Variants in TOLLIP observed in about 807,000 individuals in gnomAD.
The protein encoded by TOLLIP is toll interacting protein, also known as toll-interacting protein.
In TOLLIP, 16 loss-of-function variants were observed where a neutral mutation model predicts 33.5. The observed-to-expected ratio is 0.48, with a 90% CI of 0.32 to 0.72. The LOEUF is 0.72. Among genes scored for constraint, TOLLIP ranks in the 30% least tolerant of loss-of-function variants. TOLLIP has a pLI of 0.03. For missense variants in TOLLIP, 325 were observed against 396.6 expected (o/e 0.82, Z 1.53); for synonymous variants, 176 against 163.7 (o/e 1.07, Z -0.57).
chr11:1,306,884 C>A (rs1443842644), intron 1 of TOLLIP, among the ~76,000 whole-genome samples: 2 of 152,082 alleles, frequency 1.3e-5, no homozygotes, highest in Non-Finnish European at 2.9e-5. Context: ...CCCTGCCCTC[C>A]CAGCCCAACC....
chr11:1,309,409 GC>G lies in TOLLIP; in HGVS notation c.33+56del. ...AGCTGAGCAGTAGCCCTGACCCAAGGCCCCGCCCGCAACCGCAGGTCACCGC... is the reference window on the plus strand; with the variant it reads ...AGCTGAGCAGTAGCCCTGACCCAAGGCCCGCCCGCAACCGCAGGTCACCGC... On this transcript the variant is annotated intron_variant, in intron 1 of 5. Coordinates refer to ENST00000317204, the MANE Select transcript of TOLLIP (RefSeq NM_019009.4). 4.6e-6 allele frequency: 5 copies of G among 1,090,152 alleles called. No individual in the cohort carries two copies. The South Asian group carries it at 8.9e-5, about 19-fold the overall frequency. 67.5% of individuals were successfully genotyped at this position (1,090,152 alleles called of 1,614,324 possible).
intron 3 of TOLLIP, 53 bp from the exon 4 acceptor site, chr11:1,288,829 C>T (rs1590215859): frequency 1.3e-6 from 2 of 1,575,310 alleles, no homozygotes; most frequent in East Asian, 2.2e-5. Context: ...GGCCACCCTG[C>T]CCCTGCAGCC....
rs1863313518 is a variant in TOLLIP, at chr11:1,276,681, G to A, written c.*358C>T. On this transcript the variant is annotated 3_prime_UTR_variant, in exon 6 of 6. Transcript: ENST00000317204. ...ATTACATCACATCACAAAATGCCAT[G>A]AATGGAATCGGAAGGCGCTCCACCA... The A allele has an allele frequency of 7.3e-7, 1 of 1,374,108 alleles. No homozygotes were observed. The highest frequency in any genetic ancestry group is 1.4e-5 in the African/African-American group (1 of 69,184). The allele number at this position is 1,374,108 out of a possible 1,614,324, so 85.1% of individuals were successfully genotyped here. A position where few individuals can be genotyped will look rare whatever the true frequency, so the allele number is the denominator to read the frequency against.
intron 5 of TOLLIP, chr11:1,283,739 C>T (rs932464108): frequency 1.1e-5 from 4 of 373,514 alleles, no homozygotes; most frequent in East Asian, 7.3e-5. Flanking sequence ...CATCTGAATG[C>T]TCTTTCAGCC....
intron 1 of TOLLIP, among the ~76,000 whole-genome samples, chr11:1,296,318 G>A (rs943533955): frequency 1.3e-5 from 2 of 152,218 alleles, no homozygotes; most frequent in South Asian, 2.1e-4. Context: ...GAAGTAAATC[G>A]ATTCCAAACA....
In TOLLIP at chr11:1,276,536, A is replaced by G; in HGVS notation, c.*503T>C. ...AGCTCACCAGACCCAAGCCCTGGGC[A>G]GGGGCCAGGCTCACAGCAAAGCGCG... On this transcript the variant is annotated 3_prime_UTR_variant, in exon 6 of 6. Coordinates refer to ENST00000317204, the MANE Select transcript of TOLLIP (RefSeq NM_019009.4). 1.7e-6 allele frequency: 1 copy of G among 590,160 alleles called. No homozygotes were observed. The highest frequency in any genetic ancestry group is 2.6e-6 in the Non-Finnish European group (1 of 382,840). 36.6% of individuals were successfully genotyped at this position (590,160 alleles called of 1,614,324 possible). A position where few individuals can be genotyped will look rare whatever the true frequency, so the allele number is the denominator to read the frequency against.
chr11:1,307,586 G>A (rs1315060432), intron 1 of TOLLIP, among the ~76,000 whole-genome samples: 1 of 152,240 alleles, frequency 6.6e-6, no homozygotes, highest in African/African-American at 2.4e-5. Flanking sequence ...ACACAGCAAG[G>A]AAGGGGCCAT....
At chr11:1,285,112 C>CG (rs1863644671) in intron 5 of TOLLIP, among the ~76,000 whole-genome samples, 1 of 152,184 alleles carries the variant, frequency 6.6e-6, no homozygotes, top group Non-Finnish European at 1.5e-5. Context: ...CACAAGCAGC[C>CG]GGGGCCTCAT....
rs575261081 is a variant in TOLLIP, at chr11:1,302,588, C to G, written c.34-6794G>C. Reference sequence around the variant, plus strand: ...ATCCAAAAGCTGGACCAGTACCTGACCCTGCAGCCCCTGGCACTCCAGCCA... The same window carrying G: ...ATCCAAAAGCTGGACCAGTACCTGAGCCTGCAGCCCCTGGCACTCCAGCCA... On this transcript the variant is annotated intron_variant, in intron 1 of 5. Transcript: ENST00000317204. 7 of 986,816 alleles carry G rather than the reference C, an allele frequency of 7.1e-6. No individual in the cohort carries two copies. The East Asian group carries it at 6.8e-4, about 95-fold the overall frequency. 61.1% of individuals were successfully genotyped at this position (986,816 alleles called of 1,614,324 possible). A position where few individuals can be genotyped will look rare whatever the true frequency, so the allele number is the denominator to read the frequency against.
chr11:1,299,241 G>C (rs1313776104), intron 1 of TOLLIP, among the ~76,000 whole-genome samples: 1 of 152,242 alleles, frequency 6.6e-6, no homozygotes, highest in African/African-American at 2.4e-5. Context: ...CAAGAGAGGA[G>C]ACGGAGACCA....
At chr11:1,281,185 T>C (rs541331061) in intron 5 of TOLLIP, among the ~76,000 whole-genome samples, 62 of 152,308 alleles carry the variant, frequency 4.1e-4, no homozygotes, top group African/African-American at 1.3e-3. Flanking sequence ...ATACTTTGTT[T>C]AAAAAAATCA....
chr11:1,287,447 C>T (rs1185292389), intron 4 of TOLLIP, among the ~76,000 whole-genome samples: 1 of 78,784 alleles, frequency 1.3e-5, no homozygotes, highest in Non-Finnish European at 2.8e-5. Context: ...GCCTCCCCGC[C>T]GCACCCTCCC....
chr11:1,309,532 G>A lies in TOLLIP; in HGVS notation c.-34C>T. On this transcript the variant is annotated 5_prime_UTR_variant, in exon 1 of 6. Transcript: ENST00000317204. ...GGCGGCCCCCGTGGCTCGCCGACCCGACAGTGACGCGCCGGGCGACCTCCT... is the reference window on the plus strand; with the variant it reads ...GGCGGCCCCCGTGGCTCGCCGACCCAACAGTGACGCGCCGGGCGACCTCCT... The A allele has an allele frequency of 7.8e-7, 1 of 1,277,822 alleles. No individual in the cohort carries two copies. The highest frequency in any genetic ancestry group is 1.0e-6 in the Non-Finnish European group (1 of 1,002,136). 79.2% of individuals were successfully genotyped at this position (1,277,822 alleles called of 1,614,324 possible).
intron 1 of TOLLIP, chr11:1,302,785 C>CA: frequency 1.0e-6 from 1 of 985,614 alleles, no homozygotes; most frequent in Non-Finnish European, 1.2e-6. Flanking sequence ...GCTCCCACGC[C>CA]AGTGTGGACG....
Position 1,278,030 on chromosome 11 carries a change from C to G in TOLLIP, c.611-777G>C, listed in dbSNP as rs952511655. Among the ~76,000 whole-genome samples the G allele has an allele frequency of 2.0e-5, 3 of 152,208 alleles. No homozygotes were observed. The highest frequency in any genetic ancestry group is 7.2e-5 in the African/African-American group (3 of 41,454). On this transcript the variant is annotated intron_variant, in intron 5 of 5. Transcript: ENST00000317204. The surrounding 1 kb of genome is among the most constrained non-coding windows in gnomAD (Gnocchi z 4.7). ...CCCATGTCTGATGCGGGAGGACACA[C>G]TGAGATGCAATCTATCGAGCAGGAG... is the stretch of plus-strand genomic sequence containing the variant.
chr11:1,309,078 GCCTCCATCTGGGCACCGGGCCCT>G (rs1313877899), intron 1 of TOLLIP, among the ~76,000 whole-genome samples: 1 of 151,498 alleles, frequency 6.6e-6, no homozygotes, highest in Admixed American at 6.6e-5. Context: ...GCTCGGGGCC[GCCTCCATCTGGGCACCGGGCCCT>G]CCTCCATCTG....
chr11:1,304,373 A>G (rs189500855), intron 1 of TOLLIP, among the ~76,000 whole-genome samples: 7 of 152,382 alleles, frequency 4.6e-5, no homozygotes, highest in Non-Finnish European at 1.0e-4. Flanking sequence ...ATGAACCTGA[A>G]GCTAAAGGAA....
intron 5 of TOLLIP, 39 bp downstream of exon 5, chr11:1,285,963 C>G: frequency 2.0e-6 from 3 of 1,526,364 alleles, no homozygotes; most frequent in Non-Finnish European, 2.7e-6. Flanking sequence ...CCTGGGGTTT[C>G]TACCAGGGGA....
chr11:1,298,443 A>G (rs1864174977), intron 1 of TOLLIP: 1 of 152,202 alleles, frequency 6.6e-6, no homozygotes, highest in Non-Finnish European at 1.5e-5. Flanking sequence ...CCTCTGAGGG[A>G]GCACTGTGGG....
Sources: gnomAD v4.1 joint callset for allele counts (sites outside exome capture counted in the v4.1 genomes callset) on GRCh38, gnomAD v4.1.1 for gene constraint, Gnocchi (gnomAD v3.1) non-coding constraint, MANE v1.5 for transcripts, NCBI Gene and HGNC (gene_info 2026-07-23, HGNC 2026-07-21) for gene names.